Variants in ZCCHC8 observed in about 807,000 individuals in gnomAD.
ZCCHC8 encodes the protein zinc finger CCHC-type containing 8.
A neutral mutation model predicts 70.6 loss-of-function variants in ZCCHC8; 27 were observed. That is an observed-to-expected ratio of 0.38 (90% CI 0.28 to 0.53). The LOEUF (loss-of-function observed/expected upper bound fraction) is 0.53. ZCCHC8 is among the 20% of genes least tolerant of loss of function. The probability of loss-of-function intolerance (pLI) is 0.81; values close to 1 mark genes in which losing one functional copy is unlikely to be tolerated. For missense variants in ZCCHC8, 737 were observed against 876.9 expected, an observed-to-expected ratio of 0.84 and a Z score of 2.01; for synonymous variants, 293 against 317.4, an observed-to-expected ratio of 0.92 and a Z score of 0.82.
At chr12:122,482,147 TAAATAA>T (rs1957548068) in intron 8 of ZCCHC8, 60 bp from the exon 9 acceptor site, 3 of 1,497,594 alleles carry the variant, frequency 2.0e-6, no homozygotes, top group Non-Finnish European at 2.7e-6. Flanking sequence ...TTTCAGAAAT[TAAATAA>T]AAATACTTTT....
chr12:122,489,371 A>T lies in ZCCHC8; in HGVS notation c.501+15T>A. 1 of 1,612,140 alleles carries T rather than the reference A, an allele frequency of 6.2e-7. No individual in the cohort carries two copies. The highest frequency in any genetic ancestry group is 8.5e-7 in the Non-Finnish European group (1 of 1,179,048). ...ACCTATTGGCTGAATTCAAAACTGA[A>T]ATGTCCAAACTTACACTGAAAGCTT... On this transcript the variant is annotated intron_variant, in intron 5 of 13. Transcript: ENST00000633063.
chr12:122,474,731 G>C (rs1481906392), intron 13 of ZCCHC8, among the ~76,000 whole-genome samples: 1 of 144,596 alleles, frequency 6.9e-6, no homozygotes, highest in East Asian at 2.0e-4. Flanking sequence ...TTATTTCCTA[G>C]CTCTTTTTTT....
At chr12:122,496,264 TCTAAATAATTTAA>T (rs967758194) in intron 2 of ZCCHC8, among the ~76,000 whole-genome samples, 12 of 152,210 alleles carry the variant, frequency 7.9e-5, no homozygotes, top group Admixed American at 2.6e-4. Flanking sequence ...ACAAATTTTA[TCTAAATAATTTAA>T]TTTGTCCTTT....
chr12:122,493,043 T>A (rs771471733), intron 2 of ZCCHC8, among the ~76,000 whole-genome samples: 55 of 152,070 alleles, frequency 3.6e-4, no homozygotes, highest in Non-Finnish European at 6.2e-4. Flanking sequence ...AATTTTTGTA[T>A]GTTTTGTGGA....
At chr12:122,490,206 A>AT (rs888752971) in intron 4 of ZCCHC8, among the ~76,000 whole-genome samples, 7 of 152,130 alleles carry the variant, frequency 4.6e-5, no homozygotes, top group Non-Finnish European at 8.8e-5. Context: ...AGAAACTTAG[A>AT]TTTTTTTCTG....
Position 122,500,138 on chromosome 12 carries a change from C to T in ZCCHC8, c.199+504G>A. On this transcript the variant is annotated intron_variant, in intron 1 of 13. Coordinates refer to ENST00000633063, the MANE Select transcript of ZCCHC8 (RefSeq NM_017612.5). This position sits in a 1 kb window ranked among gnomAD's most constrained non-coding sequence, Gnocchi z 4.8. The stretch of plus-strand genomic sequence containing the variant: ...TTTAATCAAGCAATTAACCAATTAT[C>T]TCAGCACACCCGGATTCCTTGAGGC... 6.4e-6 allele frequency: 1 copy of T among 155,116 alleles called. No homozygotes were observed. Among genetic ancestry groups the T allele is most frequent in the Non-Finnish European group, 1.4e-5 (1 of 69,710 alleles). The allele number at this position is 155,116 out of a possible 1,614,324, so 9.6% of individuals were successfully genotyped here.
intron 2 of ZCCHC8, among the ~76,000 whole-genome samples, chr12:122,494,525 A>G (rs1593332644): frequency 6.7e-6 from 1 of 148,410 alleles, no homozygotes; most frequent in Non-Finnish European, 1.5e-5. Flanking sequence ...GTGCCACTGC[A>G]CTCCAGCCTG....
rs1233939328 is a variant in ZCCHC8, at chr12:122,500,807, G to A, written c.34C>T (p.Leu12Phe). ...AAEVYFGDLELFEPFDHPEES... is the reference protein window; with the variant it reads ...AAEVYFGDLEFFEPFDHPEES... ...TCTGGGTGGTCGAACGGCTCGAAGA[G>A]CTCTAGATCGCCAAAATACACCTCT... is the stretch of plus-strand genomic sequence containing the variant. Residue 12 changes from leucine to phenylalanine, a missense_variant, in exon 1 of 14, where the codon CTC (leucine) becomes TTC (phenylalanine). By Grantham distance (22) the Leu-to-Phe change is conservative. Transcript: ENST00000633063. The surrounding 1 kb of genome is among the most constrained non-coding windows in gnomAD (Gnocchi z 4.8). The A allele has an allele frequency of 1.9e-6, 3 of 1,578,846 alleles. No individual in the cohort carries two copies. Among genetic ancestry groups the A allele is most frequent in the Non-Finnish European group, 2.6e-6 (3 of 1,163,414 alleles).
chr12:122,487,596 T>C (rs182119408), intron 5 of ZCCHC8, among the ~76,000 whole-genome samples: 16 of 152,358 alleles, frequency 1.1e-4, no homozygotes, highest in Admixed American at 3.3e-4. Context: ...ACATCTCTTA[T>C]AGAAACTTGA....
chr12:122,481,802 A>T, intron 9 of ZCCHC8, 138 bp from the exon 10 acceptor site: 1 of 1,377,458 alleles, frequency 7.3e-7, no homozygotes, highest in Non-Finnish European at 9.7e-7. Context: ...AATTTAAAGA[A>T]GTGTTTCTAA....
chr12:122,487,105 C>T (rs1329162383), intron 5 of ZCCHC8, among the ~76,000 whole-genome samples: 1 of 152,236 alleles, frequency 6.6e-6, no homozygotes, highest in Non-Finnish European at 1.5e-5. Context: ...CACTTACTTC[C>T]TCAATGCATC....
intron 13 of ZCCHC8, among the ~76,000 whole-genome samples, chr12:122,476,393 T>C (rs1039854429): frequency 2.6e-5 from 4 of 151,518 alleles, no homozygotes; most frequent in African/African-American, 9.7e-5. Flanking sequence ...AGGAGTTCAA[T>C]ATCAGCCTGG....
intron 2 of ZCCHC8, among the ~76,000 whole-genome samples, chr12:122,498,334 G>A (rs1276262945): frequency 6.6e-6 from 1 of 151,708 alleles, no homozygotes; most frequent in Non-Finnish European, 1.5e-5. Context: ...GTTTCACCAC[G>A]TTGCCCAGGC....
chr12:122,495,327 C>CA (rs1957809739), intron 2 of ZCCHC8, among the ~76,000 whole-genome samples: 1 of 151,244 alleles, frequency 6.6e-6, no homozygotes, highest in African/African-American at 2.4e-5. Flanking sequence ...CCATCTCTGC[C>CA]AAAAAATACA....
intron 13 of ZCCHC8, among the ~76,000 whole-genome samples, chr12:122,475,549 T>C (rs1481443316): frequency 6.6e-6 from 1 of 152,198 alleles, no homozygotes; most frequent in Non-Finnish European, 1.5e-5. Context: ...GAGAGTACTC[T>C]CTTTCCTTCC....
intron 5 of ZCCHC8, among the ~76,000 whole-genome samples, chr12:122,488,141 C>T (rs935190119): frequency 4.6e-5 from 7 of 152,118 alleles, no homozygotes; most frequent in Admixed American, 3.9e-4. Context: ...AAGCAATTTC[C>T]GTGACTCAGT....
chr12:122,481,769 G>A, intron 9 of ZCCHC8, 105 bp from the exon 10 acceptor site: 1 of 1,391,272 alleles, frequency 7.2e-7, no homozygotes, highest in Non-Finnish European at 9.7e-7. Flanking sequence ...TACATACCAT[G>A]ACGTCTAACA....
Position 122,473,903 on chromosome 12 carries a change from G to T in ZCCHC8, c.1718C>A (p.Ser573Tyr), listed in dbSNP as rs771988539. 1 of 1,613,904 alleles carries T rather than the reference G, an allele frequency of 6.2e-7. No individual in the cohort carries two copies. The highest frequency in any genetic ancestry group is 8.5e-7 in the Non-Finnish European group (1 of 1,179,892). Residue 573 changes from serine to tyrosine, a missense_variant, in exon 14 of 14, where the codon TCT (serine) becomes TAT (tyrosine). Ser to Tyr is a moderately radical substitution (Grantham distance 144, BLOSUM62 -2). Transcript: ENST00000633063. ...AGGCTCATCCAGCGTCTGCTTTTCA[G>T]ATGTTTTTCCCTCCGGGACAGGGAG... is the stretch of plus-strand genomic sequence containing the variant. ...LDLPVPEGKT[S>Y]EKQTLDEPEV...
At chr12:122,474,413 T>G (rs1467938702) in intron 13 of ZCCHC8, 138 bp from the exon 14 acceptor site, 6 of 729,580 alleles carry the variant, frequency 8.2e-6, no homozygotes, top group East Asian at 6.6e-5. Context: ...AATTCTGGAT[T>G]CTCAGGTGCC....
Sources: allele counts gnomAD v4.1 joint callset (sites outside exome capture counted in the v4.1 genomes callset), GRCh38; gene constraint gnomAD v4.1.1; non-coding constraint Gnocchi (gnomAD v3.1); transcripts MANE v1.5; gene names NCBI Gene and HGNC (gene_info 2026-07-23, HGNC 2026-07-21).